Variants in SCN1A observed in about 807,000 individuals in gnomAD.
SCN1A encodes the protein sodium voltage-gated channel alpha subunit 1.
Under a neutral mutation model 193.7 loss-of-function variants are expected in SCN1A, and 13 were observed. The observed-to-expected ratio is 0.07, with a 90% CI of 0.04 to 0.11. SCN1A has a LOEUF of 0.11. Ranked by LOEUF, SCN1A falls within the 10% of genes least tolerant of loss-of-function variation. SCN1A has a pLI of 1.00. For synonymous variants in SCN1A, 781 were observed against 843.6 expected, an observed-to-expected ratio of 0.93 and a Z score of 1.29; for missense variants, 1,432 against 2,451.1, an observed-to-expected ratio of 0.58 and a Z score of 8.78.
intron 1 of SCN1A, among the ~76,000 whole-genome samples, chr2:166,141,207 C>T (rs993480476): frequency 2.6e-5 from 4 of 152,202 alleles, no homozygotes; most frequent in African/African-American, 9.6e-5. Context: ...TCTTCTAAGT[C>T]ACATTTCTAA....
In SCN1A at chr2:166,124,737, C is replaced by T. The variant is rs139406385; in HGVS notation, c.-142+2187G>A. Reference sequence around the variant, plus strand: ...TACCATCACATGGATGATGAGCAAACATCAAGAACACAGACGCCATGGCCA... The same window carrying T: ...TACCATCACATGGATGATGAGCAAATATCAAGAACACAGACGCCATGGCCA... On this transcript the variant is annotated intron_variant, in intron 2 of 28. Transcript: ENST00000674923. 3.3e-5 allele frequency among the ~76,000 whole-genome samples: 5 copies of T among 152,286 alleles called. No individual in the cohort carries two copies. The East Asian group carries it at 7.7e-4, about 24-fold the overall frequency.
intron 19 of SCN1A, among the ~76,000 whole-genome samples, chr2:166,023,440 CT>C (rs1267494165): frequency 3.9e-5 from 6 of 152,240 alleles, no homozygotes; most frequent in Non-Finnish European, 7.3e-5. Context: ...TCAAATAATT[CT>C]TCCTTTAGCC....
chr2:166,026,665 C>CTCTTTCTT (rs1395857059), intron 19 of SCN1A, among the ~76,000 whole-genome samples: 1 of 142,362 alleles, frequency 7.0e-6, no homozygotes, highest in Non-Finnish European at 1.5e-5. Context: ...TGGAATATTT[C>CTCTTTCTT]TCTTTCTTTC....
At position 166,013,865 on chromosome 2, in the gene SCN1A, T is replaced by C. The variant is rs754010186; in HGVS notation, c.3584A>G (p.Asn1195Ser). Residue 1195 changes from asparagine (N) to serine (S), a missense_variant, in exon 21 of 29, where the codon AAT becomes AGT. Asn to Ser is a conservative substitution (Grantham distance 46). Transcript: ENST00000674923. ...CVQRFKCCQINVEEGRGKQWW... is the reference protein window; with the variant it reads ...CVQRFKCCQISVEEGRGKQWW... Reference sequence around the variant, plus strand: ...TTGTTTTCCTCTGCCTTCTTCCACATTGATTTGACAACACTTGAATCTTTG... The same window carrying C: ...TTGTTTTCCTCTGCCTTCTTCCACACTGATTTGACAACACTTGAATCTTTG... 6.8e-6 allele frequency: 11 copies of C among 1,612,258 alleles called. No homozygotes were observed. The highest frequency in any genetic ancestry group is 1.1e-5 in the South Asian group (1 of 91,056).
chr2:166,048,508 C>A (rs1266688083), intron 10 of SCN1A, among the ~76,000 whole-genome samples: 1 of 152,082 alleles, frequency 6.6e-6, no homozygotes, highest in Non-Finnish European at 1.5e-5. Context: ...CCAGTTCTAT[C>A]CATATCCCTG....
chr2:166,129,996 G>A (rs1387548448), upstream of SCN1A, among the ~76,000 whole-genome samples: 1 of 152,128 alleles, frequency 6.6e-6, no homozygotes, highest in Admixed American at 6.6e-5. Flanking sequence ...TGGGGACTCA[G>A]GACCAGGTGG....
chr2:166,026,132 C>T (rs1012107202), intron 19 of SCN1A, among the ~76,000 whole-genome samples: 1 of 151,746 alleles, frequency 6.6e-6, no homozygotes, highest in Non-Finnish European at 1.5e-5. Flanking sequence ...TTCCATGAAC[C>T]CTTGAAAATA....
intron 2 of SCN1A, among the ~76,000 whole-genome samples, chr2:166,105,651 A>G (rs1178475239): frequency 6.6e-6 from 1 of 152,242 alleles, no homozygotes; most frequent in African/African-American, 2.4e-5. Context: ...ACTTTTTTGA[A>G]TGAATGCCTA....
chr2:165,997,058 T>C (rs535124054), intron 26 of SCN1A, among the ~76,000 whole-genome samples: 2 of 151,428 alleles, frequency 1.3e-5, no homozygotes, highest in South Asian at 2.1e-4. Context: ...CATACACTGA[T>C]ATTGGGAGTT....
intron 14 of SCN1A, 71 bp downstream of exon 14, chr2:166,043,598 G>A (rs1050489038): frequency 2.6e-4 from 400 of 1,510,326 alleles, no homozygotes; most frequent in Non-Finnish European, 3.4e-4. Flanking sequence ...CAAGGTTGCC[G>A]TTCTGTAGAA....
At chr2:166,068,161 G>A (rs1185766395) in intron 4 of SCN1A, among the ~76,000 whole-genome samples, 9 of 152,122 alleles carry the variant, frequency 5.9e-5, no homozygotes, top group Admixed American at 5.9e-4. Context: ...TTGAGGTACT[G>A]GGTATTTTGA....
chr2:165,993,960 G>A (rs1689643959), intron 28 of SCN1A, 186 bp downstream of exon 28: 3 of 610,442 alleles, frequency 4.9e-6, no homozygotes, highest in Non-Finnish European at 8.6e-6. Flanking sequence ...TAAATGGATA[G>A]AATAAGAAAC....
intron 19 of SCN1A, among the ~76,000 whole-genome samples, chr2:166,023,476 G>T (rs768323416): frequency 1.3e-5 from 2 of 152,224 alleles, no homozygotes; most frequent in South Asian, 2.1e-4. Context: ...GTAAAATGAA[G>T]AGATGATCTT....
chr2:166,147,699 G>A (rs945899062), intron 1 of SCN1A, among the ~76,000 whole-genome samples: 3 of 152,084 alleles, frequency 2.0e-5, no homozygotes, highest in Admixed American at 2.0e-4. Flanking sequence ...ATCAGGCCCC[G>A]AGGGACCATA....
At chr2:166,028,731 T>C (rs988746597) in intron 19 of SCN1A, among the ~76,000 whole-genome samples, 1 of 152,222 alleles carries the variant, frequency 6.6e-6, no homozygotes, top group African/African-American at 2.4e-5. Context: ...TAATTATTGA[T>C]ATTTGAACTT....
chr2:166,023,797 C>T (rs544303833), intron 19 of SCN1A, among the ~76,000 whole-genome samples: 1 of 150,708 alleles, frequency 6.6e-6, no homozygotes, highest in Admixed American at 6.6e-5. Flanking sequence ...TTTTTTGATA[C>T]GGAGTTTCGC....
chr2:166,042,958 C>G (rs1354955781), intron 14 of SCN1A, among the ~76,000 whole-genome samples: 1 of 152,158 alleles, frequency 6.6e-6, no homozygotes, highest in Non-Finnish European at 1.5e-5. Flanking sequence ...TCCAGGGTAC[C>G]AAAGCAATAA....
At chr2:166,098,665 C>G (rs1170594760) in intron 2 of SCN1A, among the ~76,000 whole-genome samples, 1 of 152,164 alleles carries the variant, frequency 6.6e-6, no homozygotes, top group Non-Finnish European at 1.5e-5. Flanking sequence ...AGGAAAGTTT[C>G]AGGATGAAAA....
Position 166,047,680 on chromosome 2 carries a change from A to T in SCN1A, c.1117T>A (p.Leu373Met). ...TSFDTFSWAF[L>M]SLFRLMTQDF... ...TGAGTCATTAGTCGAAACAAGGACA[A>T]AAAAGCCCAACTGAAGGTATCAAAG... Residue 373 changes from leucine (L) to methionine (M), a missense_variant, in exon 11 of 29, where the codon TTG becomes ATG. Around this residue, in one of 18 missense-constraint regions of SCN1A, gnomAD observed 11 missense variants for 70.9 expected, o/e 0.16. Transcript: ENST00000674923. 1.2e-6 allele frequency: 2 copies of T among 1,613,732 alleles called. No homozygotes were observed. The highest frequency in any genetic ancestry group is 1.7e-6 in the Non-Finnish European group (2 of 1,179,694).
Sources: gnomAD v4.1 joint callset for allele counts (sites outside exome capture counted in the v4.1 genomes callset) on GRCh38, gnomAD v4.1.1 for gene constraint, gnomAD v4.1.1 regional missense constraint, MANE v1.5 for transcripts, NCBI Gene and HGNC (gene_info 2026-07-23, HGNC 2026-07-21) for gene names.